The following SAMD5 variants were observed in gnomAD, a reference collection of about 807,000 sequenced individuals.
SAMD5 encodes the protein sterile alpha motif domain-containing protein 5.
In SAMD5, 13 loss-of-function variants were observed where a neutral mutation model predicts 11.3. That is an observed-to-expected ratio of 1.15 (90% CI 0.75 to 1.83). The LOEUF (loss-of-function observed/expected upper bound fraction) is 1.83. Ranked by LOEUF, SAMD5 falls within the 40% of genes most tolerant of loss-of-function variation. SAMD5 has a pLI of 0.00. For missense variants in SAMD5, 255 were observed against 239.1 expected, an observed-to-expected ratio of 1.07 and a Z score of -0.44; for synonymous variants, 129 against 111.3, an observed-to-expected ratio of 1.16 and a Z score of -1.00.
At chr6:147,759,311 C>T in the SAMD5 span, among the ~76,000 whole-genome samples, 2 of 152,110 alleles carry the variant, frequency 1.3e-5, no homozygotes. Flanking sequence ...CATCTGTCTG[C>T]CTAGCTTTCT....
At chr6:147,944,633 C>T in the SAMD5 span, among the ~76,000 whole-genome samples, 1 of 152,208 alleles carries the variant, frequency 6.6e-6, no homozygotes, top group African/African-American at 2.4e-5. Flanking sequence ...TATTGACTAT[C>T]CTAGCAAAGA....
intron 1 of SAMD5, among the ~76,000 whole-genome samples, chr6:147,712,847 T>G (rs2128458616): frequency 6.6e-6 from 1 of 152,074 alleles, no homozygotes; most frequent in Non-Finnish European, 1.5e-5. Flanking sequence ...CCACCAAGTC[T>G]ATGATATTTT....
At chr6:147,772,337 G>A in the SAMD5 span, among the ~76,000 whole-genome samples, 1 of 151,980 alleles carries the variant, frequency 6.6e-6, no homozygotes, top group African/African-American at 2.4e-5. Context: ...AAAGGGCAGG[G>A]AAGAAACTCC....
the SAMD5 span, among the ~76,000 whole-genome samples, chr6:147,908,948 A>G: frequency 6.6e-6 from 1 of 151,990 alleles, no homozygotes; most frequent in Non-Finnish European, 1.5e-5. Flanking sequence ...TGACTCAACG[A>G]CTATAATCCC....
chr6:147,788,055 C>T, the SAMD5 span, among the ~76,000 whole-genome samples: 5 of 152,158 alleles, frequency 3.3e-5, no homozygotes, highest in African/African-American at 9.7e-5. Flanking sequence ...TGGATGTCAA[C>T]CCAAACAGCT....
the SAMD5 span, among the ~76,000 whole-genome samples, chr6:147,872,271 GT>G: frequency 2.7e-5 from 4 of 150,358 alleles, no homozygotes; most frequent in African/African-American, 4.9e-5. Context: ...ATGCCTGGCT[GT>G]TTTTTTTTAG....
At chr6:147,756,122 C>A in the SAMD5 span, among the ~76,000 whole-genome samples, 2 of 151,924 alleles carry the variant, frequency 1.3e-5, no homozygotes, top group African/African-American at 4.8e-5. Flanking sequence ...GAAAGCTGAA[C>A]GTCAAGTTTG....
the SAMD5 span, among the ~76,000 whole-genome samples, chr6:147,864,267 G>A: frequency 7.9e-4 from 121 of 152,226 alleles, no homozygotes; most frequent in African/African-American, 2.7e-3. Context: ...TAAAAATGTC[G>A]GTTTCACTGT....
chr6:147,944,343 G>T, the SAMD5 span, among the ~76,000 whole-genome samples: 31 of 152,302 alleles, frequency 2.0e-4, no homozygotes, highest in African/African-American at 6.7e-4. Context: ...GCGAAGGAAA[G>T]GAGGAGCAAG....
At chr6:147,805,182 G>A in the SAMD5 span, among the ~76,000 whole-genome samples, 2 of 152,200 alleles carry the variant, frequency 1.3e-5, no homozygotes, top group South Asian at 2.1e-4. Context: ...AACACCTTCA[G>A]TGTCTGCTTA....
At chr6:147,539,847 T>C (rs1788571503) in intron 1 of SAMD5, among the ~76,000 whole-genome samples, 1 of 152,172 alleles carries the variant, frequency 6.6e-6, no homozygotes, top group Non-Finnish European at 1.5e-5. Flanking sequence ...TAAGCTGGCT[T>C]TTAATCATAG....
downstream of SAMD5, chr6:147,570,083 T>A: frequency 1.2e-6 from 1 of 843,668 alleles, no homozygotes; most frequent in Non-Finnish European, 1.4e-6. Flanking sequence ...AGTTTGTGCA[T>A]TGTTTAAATT....
In SAMD5 at chr6:147,615,715, G is replaced by A. The variant is rs375769301; in HGVS notation, c.162+106328G>A. Among the ~76,000 whole-genome samples, 13 of 152,264 alleles carry A rather than the reference G, an allele frequency of 8.5e-5. No individual in the cohort carries two copies. In the East Asian group the frequency reaches 2.3e-3, roughly 27 times the overall value. On this transcript the variant is annotated intron_variant, in intron 1 of 1. Transcript: ENST00000566741. ...ATAAATATTTAGTTCTTTGGCATAC[G>A]CCTGAAATGTGGGTCGGTATAAACA...
the SAMD5 span, among the ~76,000 whole-genome samples, chr6:147,776,274 C>A: frequency 1.3e-5 from 2 of 152,084 alleles, no homozygotes; most frequent in Non-Finnish European, 2.9e-5. Flanking sequence ...ACAAACATAA[C>A]CCTAAAAATT....
the SAMD5 span, among the ~76,000 whole-genome samples, chr6:147,850,535 A>G: frequency 6.6e-6 from 1 of 152,200 alleles, no homozygotes; most frequent in Non-Finnish European, 1.5e-5. Context: ...TCGCCTTAAG[A>G]AAAATAAAAA....
the SAMD5 span, among the ~76,000 whole-genome samples, chr6:147,783,790 T>G: frequency 6.6e-6 from 1 of 152,226 alleles, no homozygotes; most frequent in Non-Finnish European, 1.5e-5. Context: ...CACTGAGGTA[T>G]TTTTCTTCAT....
intron 1 of SAMD5, among the ~76,000 whole-genome samples, chr6:147,683,020 C>G (rs192542595): frequency 7.2e-5 from 11 of 152,306 alleles, no homozygotes; most frequent in South Asian, 2.1e-4. Flanking sequence ...GTCGTTTTCT[C>G]TGTGCTATAT....
At chr6:147,652,952 T>G (rs1459645446) in intron 1 of SAMD5, among the ~76,000 whole-genome samples, 2 of 152,200 alleles carry the variant, frequency 1.3e-5, no homozygotes, top group African/African-American at 4.8e-5. Flanking sequence ...TTCAGCGACT[T>G]CGATTTGTTT....
At chr6:147,877,891 ATAGCTAGATAGATAGATAGCTAGCTAGC>A in the SAMD5 span, among the ~76,000 whole-genome samples, 2 of 90,206 alleles carry the variant, frequency 2.2e-5, no homozygotes, top group Non-Finnish European at 5.0e-5. Context: ...CGATAGATAG[ATAGCTAGATAGATAGATAGCTAGCTAGC>A]TAGCTAGATA....
Sources: gnomAD v4.1 joint callset for allele counts (sites outside exome capture counted in the v4.1 genomes callset) on GRCh38, gnomAD v4.1.1 for gene constraint, MANE v1.5 for transcripts, NCBI Gene and HGNC (gene_info 2026-07-23, HGNC 2026-07-21) for gene names.